Variants in THRA observed in about 807,000 individuals in gnomAD.
THRA encodes the protein thyroid hormone receptor alpha.
A neutral mutation model predicts 45.0 loss-of-function variants in THRA; 13 were observed. That is an observed-to-expected ratio of 0.29 (90% CI 0.19 to 0.46). THRA has a LOEUF of 0.46. Ranked by LOEUF, THRA falls within the 20% of genes least tolerant of loss-of-function variation. THRA has a pLI of 1.00. For missense variants in THRA, 278 were observed against 556.1 expected, an observed-to-expected ratio of 0.50 and a Z score of 5.03; for synonymous variants, 195 against 214.0, an observed-to-expected ratio of 0.91 and a Z score of 0.78.
intron 4 of THRA, among the ~76,000 whole-genome samples, chr17:40,081,896 G>A (rs910623780): frequency 6.6e-6 from 1 of 151,998 alleles, no homozygotes. Context: ...CTGGGAGGTG[G>A]AGGTTGCAGT....
intron 1 of THRA, among the ~76,000 whole-genome samples, chr17:40,073,525 A>G (rs2145054069): frequency 6.6e-6 from 1 of 152,146 alleles, no homozygotes; most frequent in East Asian, 1.9e-4. Flanking sequence ...CCCCCTTGCC[A>G]TCCTGGTCGA....
intron 6 of THRA, among the ~76,000 whole-genome samples, chr17:40,085,428 G>A (rs1388834012): frequency 6.6e-6 from 1 of 151,990 alleles, no homozygotes; most frequent in African/African-American, 2.4e-5. Context: ...CCGCCTCCTG[G>A]GTTCAAGCGA....
intron 4 of THRA, among the ~76,000 whole-genome samples, chr17:40,080,541 G>A (rs1373514052): frequency 3.3e-5 from 5 of 152,056 alleles, no homozygotes; most frequent in Admixed American, 2.6e-4. Context: ...AATCCTTCTG[G>A]AAGCAATACA....
At chr17:40,073,814 C>T (rs1005073288) in intron 1 of THRA, among the ~76,000 whole-genome samples, 9 of 152,146 alleles carry the variant, frequency 5.9e-5, no homozygotes, top group Non-Finnish European at 1.3e-4. Flanking sequence ...CTGGTCCCCT[C>T]TTGCCCCTAT....
At chr17:40,085,487 C>G (rs1987289925) in intron 6 of THRA, among the ~76,000 whole-genome samples, 1 of 151,812 alleles carries the variant, frequency 6.6e-6, no homozygotes, top group African/African-American at 2.4e-5. Flanking sequence ...GCACTGGCCA[C>G]CATGCCTGGC....
rs1462090062 is a variant in THRA, at chr17:40,090,013, CAAAT to C, written c.*558_*561del. ...TTGGAAACCAAGCAAGGGGAGAAGACAAATGAAGAAAAACTAGACAGAGAGAAAA... is the reference window on the plus strand; with the variant it reads ...TTGGAAACCAAGCAAGGGGAGAAGACGAAGAAAAACTAGACAGAGAGAAAA... On this transcript the variant is annotated 3_prime_UTR_variant, in exon 9 of 9. Transcript: ENST00000450525. 2 of 987,690 alleles carry C rather than the reference CAAAT, an allele frequency of 2.0e-6. No homozygotes were observed. The highest frequency in any genetic ancestry group is 2.4e-6 in the Non-Finnish European group (2 of 831,388). 61.2% of individuals were successfully genotyped at this position (987,690 alleles called of 1,614,324 possible). A position where few individuals can be genotyped will look rare whatever the true frequency, so the allele number is the denominator to read the frequency against.
chr17:40,093,774 A>G (rs776782996), downstream of THRA: 12 of 752,582 alleles, frequency 1.6e-5, no homozygotes, highest in Non-Finnish European at 2.6e-5. This position sits in a 1 kb window ranked among gnomAD's most constrained non-coding sequence, Gnocchi z 5.9. Context: ...CTGTTTCCCA[A>G]GCTAGACTGT....
chr17:40,093,602 C>T (rs992637954), downstream of THRA: 2 of 741,606 alleles, frequency 2.7e-6, no homozygotes, highest in Admixed American at 2.9e-5. This position sits in a 1 kb window ranked among gnomAD's most constrained non-coding sequence, Gnocchi z 5.9. Flanking sequence ...TGCCCTTCCC[C>T]CTTTCTCTGC....
intron 5 of THRA, among the ~76,000 whole-genome samples, 163 bp downstream of exon 5, chr17:40,084,145 T>C (rs1246733938): frequency 6.6e-6 from 1 of 152,144 alleles, no homozygotes; most frequent in Non-Finnish European, 1.5e-5. Flanking sequence ...TCCTCCTTCC[T>C]GCGCAAAAGG....
At chr17:40,078,640 C>T (rs190459182) in intron 4 of THRA, among the ~76,000 whole-genome samples, 10 of 151,252 alleles carry the variant, frequency 6.6e-5, no homozygotes, top group Admixed American at 3.3e-4. Flanking sequence ...GAGAGAGACA[C>T]AACTTGAAAC....
At chr17:40,087,131 A>C (rs1168744324) in intron 7 of THRA, 2 of 396,436 alleles carry the variant, frequency 5.0e-6, no homozygotes, top group East Asian at 1.0e-4. Flanking sequence ...CAGCACACAG[A>C]CACACACACA....
At chr17:40,072,784 T>TA (rs1190448159) in intron 1 of THRA, among the ~76,000 whole-genome samples, 4 of 151,734 alleles carry the variant, frequency 2.6e-5, no homozygotes, top group African/African-American at 9.7e-5. Flanking sequence ...CTCCACCCCT[T>TA]AGGGCTGGCT....
intron 1 of THRA, among the ~76,000 whole-genome samples, chr17:40,071,781 C>T (rs1296230772): frequency 6.6e-6 from 1 of 152,192 alleles, no homozygotes; most frequent in African/African-American, 2.4e-5. Context: ...AACACAGGCT[C>T]ATGTGGTATG....
At chr17:40,083,083 T>C (rs1018244613) in intron 4 of THRA, among the ~76,000 whole-genome samples, 12 of 151,764 alleles carry the variant, frequency 7.9e-5, no homozygotes, top group African/African-American at 2.9e-4. Context: ...CCCACCACCA[T>C]GCCCGGCTAT....
Position 40,083,890 on chromosome 17 carries a change from A to G in THRA, c.278A>G (p.Tyr93Cys). 1.2e-6 allele frequency: 2 copies of G among 1,613,898 alleles called. No individual in the cohort carries two copies. The highest frequency in any genetic ancestry group is 1.7e-6 in the Non-Finnish European group (2 of 1,179,874). Residue 93 changes from tyrosine (Y) to cysteine (C), a missense_variant, in exon 5 of 9, where the codon TAT (tyrosine) becomes TGT (cysteine). Tyr to Cys is a radical substitution (Grantham distance 194). Around this residue, in one of 6 missense-constraint regions of THRA, gnomAD observed 111 missense variants for 167.1 expected, o/e 0.66. Transcript: ENST00000450525. Reference protein sequence around the residue: ...KNLHPTYSCKYDSCCVIDKIT... With the variant: ...KNLHPTYSCKCDSCCVIDKIT... ...CTCCATCCCACCTATTCCTGCAAAT[A>G]TGACAGCTGCTGTGTCATTGACAAG...
rs146605509 is a variant in THRA at position 40,086,993 on chromosome 17, G to GACACACAC, written c.723+148_723+155dup. On this transcript the variant is annotated intron_variant, in intron 7 of 8. Coordinates refer to ENST00000450525, the MANE Select transcript of THRA (RefSeq NM_199334.5). ...TCAACATACACAGATAACATACACA[G>GACACACAC]ACACACACACACACATGCATACACA... 3,540 of 1,047,178 alleles carry GACACACAC rather than the reference G, an allele frequency of 3.4e-3. 8 individuals are homozygous for GACACACAC. The highest frequency in any genetic ancestry group is 0.01 in the Middle Eastern group (37 of 3,576). 64.9% of individuals were successfully genotyped at this position (1,047,178 alleles called of 1,614,324 possible). A position where few individuals can be genotyped will look rare whatever the true frequency, so the allele number is the denominator to read the frequency against.
In THRA at chr17:40,074,480, T is replaced by C. The variant is rs781253852; in HGVS notation, c.-9T>C. The stretch of plus-strand genomic sequence containing the variant: ...GTGCTGGAGGGCATCCTGGATGGAA[T>C]TGAAGTGAATGGAACAGAAGCCAAG... On this transcript the variant is annotated 5_prime_UTR_variant, in exon 2 of 9. Transcript: ENST00000450525. 5.6e-6 allele frequency: 9 copies of C among 1,613,876 alleles called. No individual in the cohort carries two copies. The highest frequency in any genetic ancestry group is 1.6e-4 in the Middle Eastern group (1 of 6,084).
intron 6 of THRA, 134 bp from the exon 7 acceptor site, chr17:40,086,573 T>C (rs1294116641): frequency 9.0e-7 from 1 of 1,107,262 alleles, no homozygotes; most frequent in East Asian, 2.6e-5. Flanking sequence ...AAGGAAAAGC[T>C]TTGGGCCTGG....
upstream of THRA, chr17:40,062,382 T>C (rs1242867011): frequency 6.6e-6 from 1 of 151,738 alleles, no homozygotes; most frequent in African/African-American, 2.4e-5. Context: ...ACATCAGGGG[T>C]CACCTGCCCA....
Sources: gnomAD v4.1 joint callset for allele counts (sites outside exome capture counted in the v4.1 genomes callset) on GRCh38, gnomAD v4.1.1 for gene constraint, gnomAD v4.1.1 regional missense constraint, Gnocchi (gnomAD v3.1) non-coding constraint, MANE v1.5 for transcripts, NCBI Gene and HGNC (gene_info 2026-07-23, HGNC 2026-07-21) for gene names.